The following THRB variants were observed in gnomAD, a reference collection of about 807,000 sequenced individuals.
THRB encodes thyroid hormone receptor beta, also known as nuclear receptor subfamily 1 group A member 2.
THRB carries 12 observed loss-of-function variants against 47.8 expected under a neutral mutation model. The ratio of observed to expected loss-of-function variants is 0.25; its 90% confidence interval spans 0.16 to 0.41. The LOEUF (loss-of-function observed/expected upper bound fraction) is 0.41. Ranked by LOEUF, THRB falls within the 10% of genes least tolerant of loss-of-function variation. The pLI is 1.00. For synonymous variants in THRB, 218 were observed against 212.2 expected (o/e 1.03, Z -0.24); for missense variants, 348 against 589.2 (o/e 0.59, Z 4.24).
intron 1 of THRB, among the ~76,000 whole-genome samples, chr3:24,463,971 G>T (rs184736792): frequency 3.5e-3 from 533 of 152,318 alleles, no homozygotes; most frequent in African/African-American, 0.012. Context: ...TTGCGGCTGG[G>T]CGCGGTGGCT....
chr3:24,302,831 C>G (rs941986420), intron 2 of THRB, among the ~76,000 whole-genome samples: 4 of 152,100 alleles, frequency 2.6e-5, no homozygotes, highest in Non-Finnish European at 5.9e-5. Context: ...TTCTTTTGTT[C>G]ACGACTGTAC....
rs561943359 is a variant in THRB at position 24,466,184 on chromosome 3, C to T, written c.-261+28468G>A. ...TCTTTCTATTTTTTTTTCTGTTCTC[C>T]CTTCCTGATATTTCTCTTATTAAGA... is the stretch of plus-strand genomic sequence containing the variant. On this transcript the variant is annotated intron_variant, in intron 1 of 10. Coordinates refer to ENST00000646209, the MANE Select transcript of THRB (RefSeq NM_001354712.2). Among the ~76,000 whole-genome samples the T allele has an allele frequency of 3.3e-5, 5 of 152,006 alleles. No homozygotes were observed. In the South Asian group the frequency reaches 1.0e-3, roughly 32 times the overall value.
intron 3 of THRB, among the ~76,000 whole-genome samples, chr3:24,296,267 T>G (rs967401651): frequency 2.0e-4 from 31 of 152,222 alleles, no homozygotes; most frequent in African/African-American, 7.0e-4. Flanking sequence ...AGAGCTCAGT[T>G]GGAGAGTCAA....
intron 5 of THRB, among the ~76,000 whole-genome samples, chr3:24,163,854 GTTT>G (rs982756402): frequency 3.3e-5 from 5 of 151,994 alleles, no homozygotes; most frequent in African/African-American, 1.2e-4. Context: ...ACAGATTCTA[GTTT>G]TTGTTTTTAT....
intron 1 of THRB, among the ~76,000 whole-genome samples, chr3:24,474,614 AC>A (rs1431443098): frequency 6.6e-6 from 1 of 152,220 alleles, no homozygotes; most frequent in Non-Finnish European, 1.5e-5. Flanking sequence ...TGTAAGGAAA[AC>A]AAAATCAAAC....
At chr3:24,436,086 G>A (rs963301580) in intron 1 of THRB, among the ~76,000 whole-genome samples, 3 of 152,052 alleles carry the variant, frequency 2.0e-5, no homozygotes, top group African/African-American at 7.2e-5. Context: ...TAAAATTTCT[G>A]TTTAAGGAAA....
At chr3:24,126,742 C>T (rs1042392756) in intron 10 of THRB, among the ~76,000 whole-genome samples, 4 of 152,212 alleles carry the variant, frequency 2.6e-5, no homozygotes, top group African/African-American at 4.8e-5. Flanking sequence ...GGCTTACAGA[C>T]GGCTGCCCAT....
In THRB at chr3:24,233,183, C is replaced by T. The variant is rs192787741; in HGVS notation, c.-42-4182G>A. On this transcript the variant is annotated intron_variant, in intron 3 of 10. Transcript: ENST00000646209. ...AATGATGGTAAAGTTATTATTGAAT[C>T]CTCTGAAACTGAAAAGTAAATGGAA... 1.6e-4 allele frequency among the ~76,000 whole-genome samples: 25 copies of T among 152,266 alleles called. No homozygotes were observed. In the East Asian group the frequency reaches 4.6e-3, roughly 28 times the overall value.
At chr3:24,365,992 A>T (rs1019760990) in intron 1 of THRB, among the ~76,000 whole-genome samples, 1 of 152,214 alleles carries the variant, frequency 6.6e-6, no homozygotes, top group Non-Finnish European at 1.5e-5. Context: ...TTTGACTTCA[A>T]CTAAATTTAT....
chr3:24,481,113 T>C (rs1238125328), intron 1 of THRB, among the ~76,000 whole-genome samples: 1 of 152,144 alleles, frequency 6.6e-6, no homozygotes, highest in African/African-American at 2.4e-5. Flanking sequence ...GGATTTTTGC[T>C]AGGTTTCATC....
intron 3 of THRB, among the ~76,000 whole-genome samples, chr3:24,268,023 G>T (rs2052844982): frequency 6.6e-6 from 1 of 151,984 alleles, no homozygotes; most frequent in South Asian, 2.1e-4. Flanking sequence ...CTCTATAAAG[G>T]CAATACTTTT....
intron 1 of THRB, among the ~76,000 whole-genome samples, chr3:24,424,882 C>CAAA (rs1234403505): frequency 6.6e-6 from 1 of 151,900 alleles, no homozygotes; most frequent in Non-Finnish European, 1.5e-5. Context: ...AAGAAAAGAT[C>CAAA]AAATTTTGCA....
intron 3 of THRB, among the ~76,000 whole-genome samples, chr3:24,283,303 C>A (rs972986684): frequency 2.0e-5 from 3 of 152,120 alleles, no homozygotes. Flanking sequence ...AAACATAATC[C>A]AGCATATAAA....
intron 2 of THRB, among the ~76,000 whole-genome samples, chr3:24,314,888 A>C (rs1006651444): frequency 6.6e-6 from 1 of 152,240 alleles, no homozygotes; most frequent in East Asian, 1.9e-4. Flanking sequence ...GTCTTATTTC[A>C]GAATAGGAAG....
At chr3:24,178,556 T>C (rs2041473650) in intron 5 of THRB, among the ~76,000 whole-genome samples, 1 of 152,210 alleles carries the variant, frequency 6.6e-6, no homozygotes, top group African/African-American at 2.4e-5. Context: ...ATAATCAGCC[T>C]GTATTTTGTC....
chr3:24,424,644 A>G (rs1318526653), intron 1 of THRB, among the ~76,000 whole-genome samples: 3 of 151,960 alleles, frequency 2.0e-5, no homozygotes, highest in Non-Finnish European at 2.9e-5. Flanking sequence ...GTTCCTCAAT[A>G]TCTACATAAA....
chr3:24,476,209 C>T (rs1302908279), intron 1 of THRB, among the ~76,000 whole-genome samples: 1 of 152,222 alleles, frequency 6.6e-6, no homozygotes, highest in Non-Finnish European at 1.5e-5. Context: ...TTCTTTCCCA[C>T]AGTGGTGAAA....
intron 10 of THRB, among the ~76,000 whole-genome samples, chr3:24,124,753 A>T (rs2032403850): frequency 1.3e-5 from 2 of 152,226 alleles, no homozygotes; most frequent in African/African-American, 2.4e-5. Context: ...AAAGTCTAAG[A>T]TATTGTGTAA....
At chr3:24,129,808 A>C (rs991942038) in intron 9 of THRB, among the ~76,000 whole-genome samples, 1 of 152,126 alleles carries the variant, frequency 6.6e-6, no homozygotes, top group Admixed American at 6.5e-5. Flanking sequence ...AGGGCCCTGC[A>C]CTCTAGGAGT....
Sources: allele counts gnomAD v4.1 joint callset (sites outside exome capture counted in the v4.1 genomes callset), GRCh38; gene constraint gnomAD v4.1.1; transcripts MANE v1.5; gene names NCBI Gene and HGNC (gene_info 2026-07-23, HGNC 2026-07-21).